TAF2: variants seen among roughly 807,000 people sequenced by gnomAD.
TAF2 encodes transcription initiation factor TFIID subunit 2.
TAF2 carries 61 observed loss-of-function variants against 138.5 expected under a neutral mutation model. The ratio of observed to expected loss-of-function variants is 0.44; its 90% confidence interval spans 0.36 to 0.54. The LOEUF (loss-of-function observed/expected upper bound fraction) is 0.54. Among genes scored for constraint, TAF2 ranks in the 20% least tolerant of loss-of-function variants. TAF2 has a pLI of 0.00. For synonymous variants in TAF2, 475 were observed against 469.9 expected (o/e 1.01, Z -0.14); for missense variants, 1,090 against 1,427.9 (o/e 0.76, Z 3.81).
Position 119,785,128 on chromosome 8 carries a change from C to T in TAF2, c.1859+73G>A, listed in dbSNP as rs1222015403. The T allele has an allele frequency of 2.4e-5, 29 of 1,192,424 alleles. No homozygotes were observed. In the East Asian group the frequency reaches 3.8e-4, roughly 15 times the overall value. 73.9% of individuals were successfully genotyped at this position (1,192,424 alleles called of 1,614,324 possible). A position where few individuals can be genotyped will look rare whatever the true frequency, so the allele number is the denominator to read the frequency against. The stretch of plus-strand genomic sequence containing the variant: ...TTTGGAGGACAGTTATACACTTTTA[C>T]GTACGCATAACAAAGTAGACAGATG... On this transcript the variant is annotated intron_variant, in intron 15 of 25. Transcript: ENST00000378164.
chr8:119,822,674 T>C (rs1162390627), intron 2 of TAF2, among the ~76,000 whole-genome samples: 2 of 152,196 alleles, frequency 1.3e-5, no homozygotes, highest in African/African-American at 4.8e-5. Flanking sequence ...GATCACACTC[T>C]GAAAAGCACT....
intron 23 of TAF2, among the ~76,000 whole-genome samples, chr8:119,745,230 T>C (rs999014274): frequency 6.6e-6 from 1 of 152,192 alleles, no homozygotes; most frequent in Non-Finnish European, 1.5e-5. Context: ...GGTATTTAAG[T>C]GAACTTTTAG....
intron 3 of TAF2, among the ~76,000 whole-genome samples, chr8:119,809,587 T>C (rs1824894877): frequency 6.6e-6 from 1 of 152,178 alleles, no homozygotes; most frequent in South Asian, 2.1e-4. Flanking sequence ...AGCTTTTGGT[T>C]TAAAGTGTGA....
intron 18 of TAF2, among the ~76,000 whole-genome samples, chr8:119,772,938 A>AAATAAT (rs921233589): frequency 2.0e-5 from 3 of 148,974 alleles, no homozygotes; most frequent in East Asian, 1.9e-4. Context: ...ACTCCATCTC[A>AAATAAT]AATAATAATA....
chr8:119,832,538 G>C lies in TAF2; in HGVS notation c.27C>G (p.Ala9=). 6.2e-7 allele frequency: 1 copy of C among 1,609,956 alleles called. No homozygotes were observed. The highest frequency in any genetic ancestry group is 8.5e-7 in the Non-Finnish European group (1 of 1,178,038). The change falls in exon 1 of 26, where the codon GCC becomes GCG. Residue 9 remains alanine (A), a synonymous_variant. Coordinates refer to ENST00000378164, the MANE Select transcript of TAF2 (RefSeq NM_003184.4). MPLTGVEP[A]RMNRKKGDKG... is the part of the protein sequence containing the mutation. ...TGTCTCCTTTCTTCCTGTTCATTCT[G>C]GCGGGCTCTACACCAGTCAGCGGCA...
intron 18 of TAF2, among the ~76,000 whole-genome samples, chr8:119,774,423 C>T (rs979329728): frequency 6.6e-6 from 1 of 151,992 alleles, no homozygotes; most frequent in Admixed American, 6.6e-5. Context: ...CAACACAGCC[C>T]AGAACAGCTA....
intron 2 of TAF2, among the ~76,000 whole-genome samples, chr8:119,821,333 T>C (rs1202236209): frequency 6.6e-6 from 1 of 152,156 alleles, no homozygotes; most frequent in Non-Finnish European, 1.5e-5. Context: ...ACTTCACAGA[T>C]AACCATTCTC....
At chr8:119,763,268 A>G (rs991818719) in intron 18 of TAF2, among the ~76,000 whole-genome samples, 4 of 152,226 alleles carry the variant, frequency 2.6e-5, no homozygotes, top group Non-Finnish European at 5.9e-5. Flanking sequence ...AAGAAAAAAT[A>G]CCCCAAAAGT....
At position 119,777,493 on chromosome 8, in the gene TAF2, A is replaced by C. The variant is rs569854713; in HGVS notation, c.2364+526T>G. 7.9e-5 allele frequency among the ~76,000 whole-genome samples: 12 copies of C among 152,324 alleles called. No homozygotes were observed. The South Asian group carries it at 1.2e-3, about 16-fold the overall frequency. On this transcript the variant is annotated intron_variant, in intron 18 of 25. Coordinates refer to ENST00000378164, the MANE Select transcript of TAF2 (RefSeq NM_003184.4). ...CTCTCTAGCACAGCATATACTCTTA[A>C]AAACATTTGCTGATTGTTGGAATGA...
intron 3 of TAF2, among the ~76,000 whole-genome samples, chr8:119,817,851 C>T (rs1825576509): frequency 6.6e-6 from 1 of 152,184 alleles, no homozygotes; most frequent in South Asian, 2.1e-4. Flanking sequence ...TTAGTGTATA[C>T]TAACTTCCCC....
intron 18 of TAF2, among the ~76,000 whole-genome samples, chr8:119,766,792 C>T (rs995673791): frequency 2.6e-5 from 4 of 152,064 alleles, no homozygotes; most frequent in African/African-American, 9.7e-5. Flanking sequence ...CGAGATCACA[C>T]CGCTGTACTC....
chr8:119,765,271 A>G (rs1408904867), intron 18 of TAF2, among the ~76,000 whole-genome samples: 1 of 152,202 alleles, frequency 6.6e-6, no homozygotes, highest in Non-Finnish European at 1.5e-5. Flanking sequence ...CTTCAAGACA[A>G]GAACTATTTT....
At chr8:119,803,658 T>C (rs1167803215) in intron 5 of TAF2, among the ~76,000 whole-genome samples, 1 of 147,164 alleles carries the variant, frequency 6.8e-6, no homozygotes, top group Non-Finnish European at 1.5e-5. Context: ...CACCCCAGTG[T>C]ATTCCAACAA....
Position 119,732,203 on chromosome 8 carries a change from A to G in TAF2, c.3338-17T>C. ...GTTCTTTACCTTCAAGATTAAAAAT[A>G]CCCAAATGAATTCCTGCTGATGATA... On this transcript the variant is annotated splice_polypyrimidine_tract_variant and intron_variant, in intron 25 of 25. Coordinates refer to ENST00000378164, the MANE Select transcript of TAF2 (RefSeq NM_003184.4). 6.2e-7 allele frequency: 1 copy of G among 1,610,720 alleles called. No homozygotes were observed. Among genetic ancestry groups the G allele is most frequent in the Non-Finnish European group, 8.5e-7 (1 of 1,176,994 alleles).
At position 119,797,851 on chromosome 8, in the gene TAF2, AAAG is replaced by A. The variant is rs1401139478; in HGVS notation, c.793-8_793-6del. The A allele has an allele frequency of 1.9e-6, 3 of 1,613,134 alleles. No homozygotes were observed. The highest frequency in any genetic ancestry group is 2.2e-5 in the East Asian group (1 of 44,796). On this transcript the variant is annotated splice_polypyrimidine_tract_variant and splice_region_variant and intron_variant, in intron 6 of 25. Transcript: ENST00000378164. ...GGGCAAACAAAAATGAGTAACCTGAAAAGAAGAAGCAAGGAAGATCATCTAAAT... is the reference window on the plus strand; with the variant it reads ...GGGCAAACAAAAATGAGTAACCTGAAAAGAAGCAAGGAAGATCATCTAAAT...
Position 119,797,731 on chromosome 8 carries a change from C to G in TAF2, c.908G>C (p.Cys303Ser). Residue 303 changes from cysteine to serine, a missense_variant, in exon 7 of 26, where the codon TGT becomes TCT. Physicochemically the swap from Cys to Ser is moderately radical, Grantham distance 112. Around this residue, in one of 3 missense-constraint regions of TAF2, gnomAD observed 504 missense variants for 680.9 expected, o/e 0.74. Transcript: ENST00000378164. Reference protein sequence around the residue: ...EILTCRYPYSCFKTVFIDEAY... With the variant: ...EILTCRYPYSSFKTVFIDEAY... ...CTCATCAATGAAGACAGTCTTAAAA[C>G]AGGAGTATGGGTAACGACATGTAAG... 1 of 1,613,528 alleles carries G rather than the reference C, an allele frequency of 6.2e-7. No individual in the cohort carries two copies. The highest frequency in any genetic ancestry group is 8.5e-7 in the Non-Finnish European group (1 of 1,179,712).
At chr8:119,832,143 A>T (rs1230546450) in intron 1 of TAF2, among the ~76,000 whole-genome samples, 3 of 152,024 alleles carry the variant, frequency 2.0e-5, no homozygotes, top group Non-Finnish European at 2.9e-5. Flanking sequence ...TGGGCGACTG[A>T]GAGACTCCGT....
rs1240138486 is a variant in TAF2 at position 119,731,195 on chromosome 8, C to CA, written c.*728dup. On this transcript the variant is annotated 3_prime_UTR_variant, in exon 26 of 26. Coordinates refer to ENST00000378164, the MANE Select transcript of TAF2 (RefSeq NM_003184.4). ...CATTTATACTTACTGGAAAACAAAACAAAAAAACTTATAATTTAAACATCT... is the reference window on the plus strand; with the variant it reads ...CATTTATACTTACTGGAAAACAAAACAAAAAAAACTTATAATTTAAACATCT... 1 of 152,010 alleles carries CA rather than the reference C, an allele frequency of 6.6e-6. No individual in the cohort carries two copies. Among genetic ancestry groups the CA allele is most frequent in the Non-Finnish European group, 1.5e-5 (1 of 67,980 alleles). 9.4% of individuals were successfully genotyped at this position (152,010 alleles called of 1,614,324 possible).
chr8:119,740,674 A>AAG (rs1819546069), intron 25 of TAF2, among the ~76,000 whole-genome samples: 1 of 85,566 alleles, frequency 1.2e-5, no homozygotes, highest in Non-Finnish European at 2.4e-5. Flanking sequence ...AAAAAAAAAA[A>AAG]AAAAAGAAAA....
Sources: allele counts gnomAD v4.1 joint callset (sites outside exome capture counted in the v4.1 genomes callset), GRCh38; gene constraint gnomAD v4.1.1; regional missense constraint gnomAD v4.1.1; transcripts MANE v1.5; gene names NCBI Gene and HGNC (gene_info 2026-07-23, HGNC 2026-07-21).